FARP1: variants seen among roughly 807,000 people sequenced by gnomAD.
The protein encoded by FARP1 is FERM, ARHGEF and pleckstrin domain-containing protein 1.
Under a neutral mutation model 128.8 loss-of-function variants are expected in FARP1, and 52 were observed. The ratio of observed to expected loss-of-function variants is 0.40; its 90% CI spans 0.32 to 0.51. The LOEUF is 0.51. Ranked by LOEUF, FARP1 falls within the 20% of genes least tolerant of loss-of-function variation. FARP1 has a pLI of 0.45. For missense variants in FARP1, 1,333 were observed against 1,367.9 expected (o/e 0.97, Z 0.40); for synonymous variants, 580 against 551.8 (o/e 1.05, Z -0.72).
chr13:98,240,117 C>CG (rs1309448894), intron 2 of FARP1, among the ~76,000 whole-genome samples: 2 of 152,152 alleles, frequency 1.3e-5, no homozygotes, highest in African/African-American at 4.8e-5. Flanking sequence ...TACCCTTGCA[C>CG]GGGGTCACCC....
intron 2 of FARP1, among the ~76,000 whole-genome samples, chr13:98,294,981 C>G (rs1000940364): frequency 6.6e-6 from 1 of 150,800 alleles, no homozygotes; most frequent in African/African-American, 2.4e-5. Context: ...CACACCATTG[C>G]ACTCCAGCCT....
At chr13:98,374,979 A>G (rs547107881) in intron 5 of FARP1, among the ~76,000 whole-genome samples, 3 of 152,328 alleles carry the variant, frequency 2.0e-5, no homozygotes, top group Admixed American at 6.5e-5. Flanking sequence ...TTATTAGTCT[A>G]TTCATAAGGG....
Position 98,446,781 on chromosome 13 carries a change from A to G in FARP1, c.3020A>G (p.Tyr1007Cys), listed in dbSNP as rs1892868051. 8.1e-6 allele frequency: 13 copies of G among 1,613,996 alleles called. No homozygotes were observed. Among genetic ancestry groups the G allele is most frequent in the East Asian group, 2.2e-5 (1 of 44,876 alleles). Residue 1007 changes from tyrosine (Y) to cysteine (C), a missense_variant, in exon 26 of 27, where the codon TAC becomes TGC. Around this residue, in one of 2 missense-constraint regions of FARP1, gnomAD observed 1,009 missense variants for 969.8 expected, o/e 1.04. Coordinates refer to ENST00000319562, the MANE Select transcript of FARP1 (RefSeq NM_005766.4). Reference protein sequence around the residue: ...VFKLHFKSHVYYFRAESEYTF... With the variant: ...VFKLHFKSHVCYFRAESEYTF... Reference sequence around the variant, plus strand: ...AAGCTGCACTTCAAGTCCCACGTCTACTACTTCAGGGCGGAAAGCGAGTAC... The same window carrying G: ...AAGCTGCACTTCAAGTCCCACGTCTGCTACTTCAGGGCGGAAAGCGAGTAC...
intron 19 of FARP1, among the ~76,000 whole-genome samples, chr13:98,436,289 C>T (rs1892265165): frequency 1.3e-5 from 2 of 152,190 alleles, no homozygotes; most frequent in African/African-American, 4.8e-5. Flanking sequence ...AACAGGGCTT[C>T]CCGCACACAC....
At chr13:98,208,020 G>C (rs1880397405) in intron 1 of FARP1, among the ~76,000 whole-genome samples, 1 of 148,866 alleles carries the variant, frequency 6.7e-6, no homozygotes, top group Non-Finnish European at 1.5e-5. Context: ...TCGGTGAAGG[G>C]CACTAGGCTG....
rs377551319 is a variant in FARP1 at position 98,358,706 on chromosome 13, G to A, written c.277-6689G>A. 5.4e-4 allele frequency among the ~76,000 whole-genome samples: 82 copies of A among 151,862 alleles called. 1 individual carries two copies. The highest frequency in any genetic ancestry group is 1.9e-3 in the African/African-American group (77 of 41,398). ...GCTGGAGTGCAATGGCGCGATCTTG[G>A]CTCACTGTAACCTCCGCCTCGCAGG... is the stretch of plus-strand genomic sequence containing the variant. On this transcript the variant is annotated intron_variant, in intron 3 of 26. Transcript: ENST00000319562.
chr13:98,358,854 G>A (rs756040032), intron 3 of FARP1, among the ~76,000 whole-genome samples: 5 of 151,934 alleles, frequency 3.3e-5, no homozygotes, highest in Admixed American at 2.6e-4. Context: ...AGCCAGGATG[G>A]TCTCGATCTC....
chr13:98,365,894 G>GGTGTGT (rs55871546), intron 4 of FARP1, among the ~76,000 whole-genome samples: 49,147 of 148,036 alleles, frequency 0.33, 8,328 homozygotes, highest in Middle Eastern at 0.45. Context: ...GTGTGTATGT[G>GGTGTGT]GTGTGTGTGT....
chr13:98,179,213 C>T (rs77681464), intron 1 of FARP1, among the ~76,000 whole-genome samples: 1 of 151,936 alleles, frequency 6.6e-6, no homozygotes, highest in African/African-American at 2.4e-5. Context: ...TGGCAGCAGA[C>T]GAGAACAGAA....
chr13:98,388,264 A>T, intron 8 of FARP1, 119 bp from the exon 9 acceptor site: 1 of 690,038 alleles, frequency 1.4e-6, no homozygotes, highest in Non-Finnish European at 2.6e-6. Flanking sequence ...TGCAAAAGTC[A>T]TCTCTACTGA....
At chr13:98,182,982 C>G (rs1260708702) in intron 1 of FARP1, among the ~76,000 whole-genome samples, 15 of 152,108 alleles carry the variant, frequency 9.9e-5, no homozygotes, top group Non-Finnish European at 2.2e-4. Flanking sequence ...CCTGGTATGT[C>G]CTATACCATA....
intron 16 of FARP1, 26 bp from the exon 17 acceptor site, chr13:98,424,546 T>C: frequency 6.6e-7 from 1 of 1,520,260 alleles, no homozygotes; most frequent in South Asian, 1.1e-5. Context: ...TGCTTTGTAT[T>C]TCCAACCCTT....
At chr13:98,314,614 G>A (rs1439192976) in intron 2 of FARP1, among the ~76,000 whole-genome samples, 1 of 152,022 alleles carries the variant, frequency 6.6e-6, no homozygotes, top group African/African-American at 2.4e-5. Flanking sequence ...ATTTCAAGAC[G>A]GCTCAAAAAA....
At chr13:98,323,016 T>C (rs143437434) in intron 2 of FARP1, among the ~76,000 whole-genome samples, 1 of 152,318 alleles carries the variant, frequency 6.6e-6, no homozygotes, top group East Asian at 1.9e-4. Flanking sequence ...ATATTAGATA[T>C]ATGGTTGCTG....
At chr13:98,242,857 G>A (rs1239841396) in intron 2 of FARP1, among the ~76,000 whole-genome samples, 4 of 152,176 alleles carry the variant, frequency 2.6e-5, no homozygotes, top group African/African-American at 9.7e-5. Context: ...TACATTATCT[G>A]TGTCTTTCAC....
intron 2 of FARP1, among the ~76,000 whole-genome samples, chr13:98,339,292 C>T (rs1047070325): frequency 3.3e-5 from 5 of 152,096 alleles, no homozygotes; most frequent in African/African-American, 1.2e-4. Flanking sequence ...CACGTTTTAC[C>T]ATGGTGGAGC....
chr13:98,411,800 G>T, intron 15 of FARP1, 101 bp from the exon 16 acceptor site: 1 of 1,292,388 alleles, frequency 7.7e-7, no homozygotes, highest in Non-Finnish European at 1.1e-6. Context: ...GAAAGCCCTG[G>T]CTCCTCCCAG....
At chr13:98,392,423 C>T (rs192189581) in intron 11 of FARP1, among the ~76,000 whole-genome samples, 9 of 150,332 alleles carry the variant, frequency 6.0e-5, no homozygotes, top group African/African-American at 2.2e-4. Flanking sequence ...TTGCTTGAGC[C>T]TGGGAGGTCA....
rs942446205 is a variant in FARP1 at position 98,453,491 on chromosome 13, A to G, written c.*5174A>G. On this transcript the variant is annotated 3_prime_UTR_variant, in exon 27 of 27. Coordinates refer to ENST00000319562, the MANE Select transcript of FARP1 (RefSeq NM_005766.4). ...TAAAACGGGAAATCATATCCCTTTTACTTACGATCAATTGTCAAAAAGTGA... is the reference window on the plus strand; with the variant it reads ...TAAAACGGGAAATCATATCCCTTTTGCTTACGATCAATTGTCAAAAAGTGA... The G allele has an allele frequency of 2.7e-5, 11 of 403,638 alleles. No individual in the cohort carries two copies. The Admixed American group carries it at 4.3e-4, about 16-fold the overall frequency. The allele number at this position is 403,638 out of a possible 1,614,324, so 25.0% of individuals were successfully genotyped here.
Sources: gnomAD v4.1 joint callset for allele counts (sites outside exome capture counted in the v4.1 genomes callset) on GRCh38, gnomAD v4.1.1 for gene constraint, gnomAD v4.1.1 regional missense constraint, MANE v1.5 for transcripts, NCBI Gene and HGNC (gene_info 2026-07-23, HGNC 2026-07-21) for gene names.